The following SPMIP7 variants were observed in gnomAD, a reference collection of about 807,000 sequenced individuals.
The protein encoded by SPMIP7 is sperm microtubule inner protein 7.
At chr7:50,096,060 T>C in the SPMIP7 span, 2 of 1,399,354 alleles carry the variant, frequency 1.4e-6, no homozygotes, top group Non-Finnish European at 1.9e-6. Context: ...ACTTTATAGT[T>C]ATCAAAAATT....
the SPMIP7 span, among the ~76,000 whole-genome samples, chr7:50,128,532 G>C: frequency 6.6e-6 from 1 of 151,864 alleles, no homozygotes; most frequent in African/African-American, 2.4e-5. Flanking sequence ...ACTCTGATTT[G>C]ATTTTTACAG....
chr7:50,102,962 CTT>C, the SPMIP7 span, among the ~76,000 whole-genome samples: 1 of 147,486 alleles, frequency 6.8e-6, no homozygotes, highest in African/African-American at 2.5e-5. Flanking sequence ...ATATACATTA[CTT>C]ATATATATAT....
the SPMIP7 span, among the ~76,000 whole-genome samples, chr7:50,134,564 A>G: frequency 6.6e-6 from 1 of 152,366 alleles, no homozygotes; most frequent in African/African-American, 2.4e-5. Flanking sequence ...CAAGAGAATG[A>G]GTAAATAATG....
the SPMIP7 span, among the ~76,000 whole-genome samples, chr7:50,145,037 G>A: frequency 6.6e-6 from 1 of 151,924 alleles, no homozygotes; most frequent in African/African-American, 2.4e-5. Flanking sequence ...CGAGGCGGGT[G>A]GATCACCTGA....
the SPMIP7 span, among the ~76,000 whole-genome samples, chr7:50,154,445 G>A: frequency 0.44 from 66,486 of 152,004 alleles, 14,997 homozygotes; most frequent in East Asian, 0.72. Flanking sequence ...CTATCTCTGT[G>A]TATTTCACCT....
the SPMIP7 span, chr7:50,134,301 C>A: frequency 1.4e-6 from 2 of 1,423,948 alleles, no homozygotes; most frequent in African/African-American, 1.5e-5. Flanking sequence ...GAAATGAGTT[C>A]TAAAACTTTA....
At chr7:50,134,051 A>T in the SPMIP7 span, 2 of 1,428,202 alleles carry the variant, frequency 1.4e-6, no homozygotes, top group Admixed American at 2.4e-5. Context: ...ATATTGTTAT[A>T]AACTTTACCA....
chr7:50,121,645 G>T, the SPMIP7 span, among the ~76,000 whole-genome samples: 10 of 151,440 alleles, frequency 6.6e-5, no homozygotes, highest in African/African-American at 1.9e-4. Context: ...TTAATTAAAG[G>T]TTCTTTTTTT....
chr7:50,149,469 G>A, the SPMIP7 span, among the ~76,000 whole-genome samples: 6 of 152,276 alleles, frequency 3.9e-5, no homozygotes, highest in East Asian at 1.9e-4. Context: ...GCAGTTGACC[G>A]AGCTGAAGCC....
chr7:50,136,079 T>C, the SPMIP7 span: 1 of 1,534,948 alleles, frequency 6.5e-7, no homozygotes, highest in East Asian at 2.5e-5. Flanking sequence ...CTGTCATTGA[T>C]TTTGACGATT....
chr7:50,125,250 A>G, the SPMIP7 span, among the ~76,000 whole-genome samples: 1 of 83,206 alleles, frequency 1.2e-5, no homozygotes, highest in Non-Finnish European at 2.2e-5. Context: ...ACATATATAC[A>G]CATATATATA....
At chr7:50,159,151 A>G in the SPMIP7 span, 3 of 1,551,602 alleles carry the variant, frequency 1.9e-6, no homozygotes, top group Non-Finnish European at 1.7e-6. Context: ...AGAAGGACAA[A>G]GAAACCATAG....
chr7:50,107,402 GA>G, the SPMIP7 span, among the ~76,000 whole-genome samples: 82 of 97,348 alleles, frequency 8.4e-4, 2 homozygotes, highest in South Asian at 2.0e-3. Context: ...AAAAGAAAAA[GA>G]AAAAAAAAAA....
chr7:50,123,616 T>C, the SPMIP7 span, among the ~76,000 whole-genome samples: 1 of 151,020 alleles, frequency 6.6e-6, no homozygotes, highest in East Asian at 1.9e-4. Flanking sequence ...TTGAAATGTT[T>C]GTACACGTTA....
the SPMIP7 span, among the ~76,000 whole-genome samples, chr7:50,118,107 C>T: frequency 6.6e-6 from 1 of 152,166 alleles, no homozygotes; most frequent in Non-Finnish European, 1.5e-5. Context: ...CAAGTCAACT[C>T]CCCTATGTTG....
chr7:50,134,185 C>A, the SPMIP7 span: 1 of 1,550,818 alleles, frequency 6.4e-7, no homozygotes, highest in African/African-American at 1.4e-5. Context: ...GAAAAAACCG[C>A]TGACCCCATC....
the SPMIP7 span, among the ~76,000 whole-genome samples, chr7:50,099,505 G>A: frequency 4.6e-5 from 7 of 152,288 alleles, no homozygotes; most frequent in Admixed American, 4.6e-4. Flanking sequence ...AGGCAAAGCA[G>A]GCACTTCTTT....
At chr7:50,118,043 C>G in the SPMIP7 span, among the ~76,000 whole-genome samples, 2 of 152,170 alleles carry the variant, frequency 1.3e-5, no homozygotes, top group African/African-American at 4.8e-5. Flanking sequence ...GCTAAATCAA[C>G]TAGTGCTGAA....
the SPMIP7 span, among the ~76,000 whole-genome samples, chr7:50,104,001 C>A: frequency 6.6e-6 from 1 of 152,096 alleles, no homozygotes; most frequent in Non-Finnish European, 1.5e-5. Flanking sequence ...GCATAATAAC[C>A]AGACCCCTCT....
Sources: allele counts gnomAD v4.1 joint callset (sites outside exome capture counted in the v4.1 genomes callset), GRCh38; gene constraint gnomAD v4.1.1; transcripts MANE v1.5; gene names NCBI Gene and HGNC (gene_info 2026-07-23, HGNC 2026-07-21).